The following CD53 variants were observed in gnomAD, a reference collection of about 807,000 sequenced individuals.
The protein encoded by CD53 is CD53 molecule.
CD53 carries 20 observed loss-of-function variants against 27.3 expected under a neutral mutation model. The ratio of observed to expected loss-of-function variants is 0.73; its 90% CI spans 0.52 to 1.07. The LOEUF (loss-of-function observed/expected upper bound fraction) is 1.07, where lower values mean the gene tolerates loss of function less well. Among genes scored for constraint, CD53 ranks in the 50% least tolerant of loss-of-function variants. CD53 has a pLI of 0.00. For missense variants in CD53, 216 were observed against 264.0 expected, an observed-to-expected ratio of 0.82 and a Z score of 1.26; for synonymous variants, 106 against 105.3, an observed-to-expected ratio of 1.01 and a Z score of -0.04.
intron 1 of CD53, among the ~76,000 whole-genome samples, chr1:110,878,348 T>G (rs1249977824): frequency 6.6e-6 from 1 of 152,204 alleles, no homozygotes; most frequent in Non-Finnish European, 1.5e-5. Context: ...GAACAAAGAC[T>G]GCCACAGGCT....
intron 2 of CD53, 55 bp from the exon 3 acceptor site, chr1:110,892,290 G>A: frequency 2.5e-6 from 3 of 1,205,414 alleles, no homozygotes; most frequent in East Asian, 4.6e-5. Context: ...AGAATATGAG[G>A]AGATACCCAA....
intron 1 of CD53, among the ~76,000 whole-genome samples, chr1:110,883,182 T>A (rs1358820136): frequency 6.6e-6 from 1 of 151,970 alleles, no homozygotes; most frequent in Non-Finnish European, 1.5e-5. Flanking sequence ...ATGATGTTCT[T>A]AATTCTATGC....
intron 5 of CD53, among the ~76,000 whole-genome samples, chr1:110,895,712 T>A (rs1378108778): frequency 1.3e-5 from 2 of 152,200 alleles, no homozygotes; most frequent in Non-Finnish European, 1.5e-5. Context: ...TTTATTTTTT[T>A]AATTCAGTTT....
chr1:110,878,563 A>AT (rs970459105), intron 1 of CD53, among the ~76,000 whole-genome samples: 13 of 151,784 alleles, frequency 8.6e-5, no homozygotes, highest in South Asian at 6.3e-4. Context: ...TAAATGTAGA[A>AT]TTTTTTTTTA....
rs1261499503 is a variant in CD53, at chr1:110,899,893, T to G, written c.*698T>G. ...AGATTTTGTTAATGTACTATTTTACTCTTCAATAAATAAAAGTTTATTATC... is the reference window on the plus strand; with the variant it reads ...AGATTTTGTTAATGTACTATTTTACGCTTCAATAAATAAAAGTTTATTATC... On this transcript the variant is annotated 3_prime_UTR_variant, in exon 8 of 8. Coordinates refer to ENST00000271324, the MANE Select transcript of CD53 (RefSeq NM_000560.4). The G allele has an allele frequency of 1.1e-5, 1 of 93,510 alleles. No homozygotes were observed. The highest frequency in any genetic ancestry group is 2.9e-5 in the African/African-American group (1 of 34,626). 5.8% of individuals were successfully genotyped at this position (93,510 alleles called of 1,614,324 possible).
chr1:110,888,235 G>A (rs1656708395), intron 1 of CD53, among the ~76,000 whole-genome samples: 1 of 152,212 alleles, frequency 6.6e-6, no homozygotes, highest in African/African-American at 2.4e-5. Context: ...CACGAAGTTT[G>A]TGGTAATGTT....
intron 1 of CD53, among the ~76,000 whole-genome samples, chr1:110,889,155 C>T (rs1202849519): frequency 1.3e-5 from 2 of 152,062 alleles, no homozygotes; most frequent in African/African-American, 4.8e-5. Flanking sequence ...ATTATTTATT[C>T]ATAGATGTGT....
chr1:110,892,148 G>A lies in CD53; in HGVS notation c.64-197G>A, dbSNP rs114382209. Among the ~76,000 whole-genome samples the A allele has an allele frequency of 2.5e-3, 377 of 152,350 alleles. 1 individual carries two copies. Among genetic ancestry groups the A allele is most frequent in the African/African-American group, 8.7e-3 (363 of 41,584 alleles). On this transcript the variant is annotated intron_variant, in intron 2 of 7. Coordinates refer to ENST00000271324, the MANE Select transcript of CD53 (RefSeq NM_000560.4). ...TCTGGAGATGGGTAGGAAGAGTTGT[G>A]AGTAGGTCTCCACATGAGAAAGCTG...
rs147565946 is a variant in CD53, at chr1:110,899,645, C to T, written c.*450C>T. 6.1e-6 allele frequency: 1 copy of T among 163,354 alleles called. No individual in the cohort carries two copies. Among genetic ancestry groups the T allele is most frequent in the African/African-American group, 2.4e-5 (1 of 41,636 alleles). The allele number at this position is 163,354 out of a possible 1,614,324, so 10.1% of individuals were successfully genotyped here. On this transcript the variant is annotated 3_prime_UTR_variant, in exon 8 of 8. Coordinates refer to ENST00000271324, the MANE Select transcript of CD53 (RefSeq NM_000560.4). ...CAGGCTCACTGGACCATTGTCACAACCCTCTGTTTCTCTTTGACTAAGTGC... is the reference window on the plus strand; with the variant it reads ...CAGGCTCACTGGACCATTGTCACAATCCTCTGTTTCTCTTTGACTAAGTGC...
chr1:110,879,872 C>T (rs1022878325), intron 1 of CD53, among the ~76,000 whole-genome samples: 3 of 152,102 alleles, frequency 2.0e-5, no homozygotes, highest in East Asian at 1.9e-4. Flanking sequence ...CGAGCCTGAT[C>T]GAGGTTCTTG....
At chr1:110,894,547 T>C (rs1656982371) in intron 4 of CD53, 146 bp downstream of exon 4, 2 of 615,774 alleles carry the variant, frequency 3.2e-6, no homozygotes, top group Non-Finnish European at 2.8e-6. Flanking sequence ...GTAATTGTAA[T>C]TGGGGGGAAA....
chr1:110,883,025 T>C (rs1656417884), intron 1 of CD53, among the ~76,000 whole-genome samples: 1 of 152,022 alleles, frequency 6.6e-6, no homozygotes, highest in Non-Finnish European at 1.5e-5. Context: ...TTACTTTTTT[T>C]TCTTTCCAGT....
chr1:110,888,723 T>C (rs148145059), intron 1 of CD53, among the ~76,000 whole-genome samples: 1 of 152,356 alleles, frequency 6.6e-6, no homozygotes, highest in Non-Finnish European at 1.5e-5. Context: ...AAAAATGTAA[T>C]CCATATTGAA....
chr1:110,886,223 A>T (rs377160771), intron 1 of CD53, among the ~76,000 whole-genome samples: 1 of 152,180 alleles, frequency 6.6e-6, no homozygotes, highest in East Asian at 1.9e-4. Context: ...GTCTGCTCTT[A>T]TCCTTACAAT....
chr1:110,884,089 C>G (rs529766481), intron 1 of CD53, among the ~76,000 whole-genome samples: 1 of 152,052 alleles, frequency 6.6e-6, no homozygotes, highest in Admixed American at 6.5e-5. Flanking sequence ...TTTCTAGTTT[C>G]TCAAGATGCA....
intron 1 of CD53, among the ~76,000 whole-genome samples, chr1:110,889,236 C>T (rs1656749504): frequency 6.6e-6 from 1 of 152,086 alleles, no homozygotes; most frequent in Non-Finnish European, 1.5e-5. Flanking sequence ...TCATCATTCA[C>T]TCCTGATAAA....
rs1432065958 is a variant in CD53, at chr1:110,891,477, T to C, written c.63+6T>C. Reference sequence around the variant, plus strand: ...TCTTCAACTTGCTCTTTTGGGTAAGTGTATCTCTTCTGAGCACGGTTTAGC... The same window carrying C: ...TCTTCAACTTGCTCTTTTGGGTAAGCGTATCTCTTCTGAGCACGGTTTAGC... On this transcript the variant is annotated splice_donor_region_variant and intron_variant, in intron 2 of 7. Coordinates refer to ENST00000271324, the MANE Select transcript of CD53 (RefSeq NM_000560.4). 15 of 1,610,358 alleles carry C rather than the reference T, an allele frequency of 9.3e-6. No individual in the cohort carries two copies. Among genetic ancestry groups the C allele is most frequent in the Non-Finnish European group, 1.1e-5 (13 of 1,176,660 alleles).
Position 110,899,225 on chromosome 1 carries a change from G to GTT in CD53, c.*32_*33dup, listed in dbSNP as rs1320535288. Reference sequence around the variant, plus strand: ...CAGTAGTCCTGTGGTGAAGAGACTTGTTTCATCTCCGGAAATGCAAAACCA... The same window carrying GTT: ...CAGTAGTCCTGTGGTGAAGAGACTTGTTTTTCATCTCCGGAAATGCAAAACCA... On this transcript the variant is annotated 3_prime_UTR_variant, in exon 8 of 8. Transcript: ENST00000271324. The GTT allele has an allele frequency of 2.6e-6, 4 of 1,530,648 alleles. No homozygotes were observed. Among genetic ancestry groups the GTT allele is most frequent in the Non-Finnish European group, 3.6e-6 (4 of 1,103,646 alleles). The allele number at this position is 1,530,648 out of a possible 1,614,324, so 94.8% of individuals were successfully genotyped here. A position where few individuals can be genotyped will look rare whatever the true frequency, so the allele number is the denominator to read the frequency against.
upstream of CD53, among the ~76,000 whole-genome samples, chr1:110,872,585 A>G (rs1385874313): frequency 1.3e-5 from 2 of 152,122 alleles, no homozygotes; most frequent in Non-Finnish European, 2.9e-5. Context: ...TGCCTTGGGG[A>G]CTCACCTTAA....
Sources: allele counts gnomAD v4.1 joint callset (sites outside exome capture counted in the v4.1 genomes callset), GRCh38; gene constraint gnomAD v4.1.1; transcripts MANE v1.5; gene names NCBI Gene and HGNC (gene_info 2026-07-23, HGNC 2026-07-21).